SLC9A9: variants seen among roughly 807,000 people sequenced by gnomAD.
The protein encoded by SLC9A9 is solute carrier family 9 member A9.
A neutral mutation model predicts 77.8 loss-of-function variants in SLC9A9; 62 were observed. That is an observed-to-expected ratio of 0.80 (90% CI 0.65 to 0.98). The LOEUF (loss-of-function observed/expected upper bound fraction) is 0.98, where lower values mean the gene tolerates loss of function less well. Ranked by LOEUF, SLC9A9 falls within the 50% of genes least tolerant of loss-of-function variation. SLC9A9 has a pLI of 0.00. For missense variants in SLC9A9, 775 were observed against 774.9 expected, an observed-to-expected ratio of 1.00 and a Z score of 0.00; for synonymous variants, 320 against 283.5, an observed-to-expected ratio of 1.13 and a Z score of -1.29.
At chr3:143,648,945 ATTCCTG>A (rs2038751506) in intron 6 of SLC9A9, among the ~76,000 whole-genome samples, 1 of 152,184 alleles carries the variant, frequency 6.6e-6, no homozygotes, top group African/African-American at 2.4e-5. Context: ...GCGAAGAAAG[ATTCCTG>A]TTCATTTCAC....
At chr3:143,493,915 C>T (rs888534238) in intron 10 of SLC9A9, 151 bp from the exon 11 acceptor site, 1 of 668,696 alleles carries the variant, frequency 1.5e-6, no homozygotes, top group Non-Finnish European at 2.7e-6. Context: ...CAACTTGCTT[C>T]CAAAATTTAT....
intron 14 of SLC9A9, among the ~76,000 whole-genome samples, chr3:143,321,935 T>A (rs1329783895): frequency 2.0e-5 from 3 of 152,146 alleles, no homozygotes; most frequent in Non-Finnish European, 4.4e-5. Context: ...AGGCCTTGTG[T>A]CCCAAGTTAG....
intron 7 of SLC9A9, among the ~76,000 whole-genome samples, chr3:143,578,214 A>T (rs746544953): frequency 2.2e-4 from 33 of 152,104 alleles, no homozygotes; most frequent in Non-Finnish European, 3.7e-4. Flanking sequence ...ACCCTTAATC[A>T]ATTGTCTTAT....
chr3:143,605,982 C>T (rs1350019950), intron 6 of SLC9A9, among the ~76,000 whole-genome samples: 2 of 152,196 alleles, frequency 1.3e-5, no homozygotes, highest in Admixed American at 6.5e-5. Context: ...AAGCTCTGCT[C>T]CATGCTATTT....
At chr3:143,280,249 T>G (rs1239331178) in intron 14 of SLC9A9, among the ~76,000 whole-genome samples, 1 of 148,738 alleles carries the variant, frequency 6.7e-6, no homozygotes, top group Non-Finnish European at 1.5e-5. Flanking sequence ...CCTGCAGCTC[T>G]TTTAGGGAAC....
chr3:143,812,318 A>G (rs2008890133), intron 2 of SLC9A9, among the ~76,000 whole-genome samples: 3 of 152,224 alleles, frequency 2.0e-5, no homozygotes, highest in African/African-American at 7.2e-5. Flanking sequence ...TTTATTGCAG[A>G]TGAAATAATA....
intron 13 of SLC9A9, among the ~76,000 whole-genome samples, chr3:143,364,818 T>C (rs925450125): frequency 1.1e-4 from 16 of 152,344 alleles, no homozygotes; most frequent in African/African-American, 3.8e-4. Context: ...GTCTTTTTCA[T>C]TGATTGTCTT....
intron 9 of SLC9A9, among the ~76,000 whole-genome samples, chr3:143,496,556 AG>A (rs2035836256): frequency 6.6e-6 from 1 of 152,258 alleles, no homozygotes; most frequent in Non-Finnish European, 1.5e-5. Context: ...ATAGAAAGAA[AG>A]GATTAAAAAA....
intron 4 of SLC9A9, among the ~76,000 whole-genome samples, chr3:143,707,026 AG>A (rs1050981030): frequency 1.3e-5 from 2 of 152,146 alleles, no homozygotes; most frequent in Non-Finnish European, 2.9e-5. Context: ...AGAGCAATGC[AG>A]GGAAGGTTCA....
chr3:143,718,643 T>C (rs16854193), intron 4 of SLC9A9, among the ~76,000 whole-genome samples: 5,218 of 152,306 alleles, frequency 0.034, 289 homozygotes, highest in African/African-American at 0.12. Flanking sequence ...GTTCTGCTAT[T>C]GCCCTTTAAG....
intron 12 of SLC9A9, among the ~76,000 whole-genome samples, chr3:143,442,688 G>A (rs887476415): frequency 3.9e-5 from 6 of 152,182 alleles, no homozygotes; most frequent in African/African-American, 9.7e-5. Context: ...TTGTGCTACC[G>A]CACTCCAGCC....
chr3:143,441,576 C>G (rs761844931), intron 12 of SLC9A9, among the ~76,000 whole-genome samples: 35 of 151,838 alleles, frequency 2.3e-4, no homozygotes, highest in Non-Finnish European at 4.9e-4. Flanking sequence ...CAACCTAAGA[C>G]TGTGATTGCT....
intron 8 of SLC9A9, among the ~76,000 whole-genome samples, chr3:143,559,242 T>C (rs914210493): frequency 6.6e-6 from 1 of 152,200 alleles, no homozygotes; most frequent in Non-Finnish European, 1.5e-5. Flanking sequence ...ACAGCCTTTA[T>C]ATTGGAACAA....
At position 143,686,214 on chromosome 3, in the gene SLC9A9, A is replaced by T. The variant is rs187128056; in HGVS notation, c.649+6978T>A. Among the ~76,000 whole-genome samples the T allele has an allele frequency of 2.0e-5, 3 of 152,326 alleles. No individual in the cohort carries two copies. In the East Asian group the frequency reaches 5.8e-4, roughly 29 times the overall value. On this transcript the variant is annotated intron_variant, in intron 5 of 15. Transcript: ENST00000316549. ...TTCCTCAAGTTGTATTAATTCACTGATTTAACAGGTATTTATTAAAAGCTC... is the reference window on the plus strand; with the variant it reads ...TTCCTCAAGTTGTATTAATTCACTGTTTTAACAGGTATTTATTAAAAGCTC...
chr3:143,557,899 C>CA, intron 8 of SLC9A9, among the ~76,000 whole-genome samples: 1 of 152,146 alleles, frequency 6.6e-6, no homozygotes, highest in Non-Finnish European at 1.5e-5. Context: ...AAGACCATTG[C>CA]AAAAATTTAC....
intron 14 of SLC9A9, among the ~76,000 whole-genome samples, chr3:143,276,985 A>G (rs1209297981): frequency 6.6e-6 from 1 of 152,212 alleles, no homozygotes; most frequent in Non-Finnish European, 1.5e-5. Context: ...TCTTAGTGGT[A>G]TTGGGAGTTG....
chr3:143,782,077 C>T (rs564956380), intron 4 of SLC9A9, among the ~76,000 whole-genome samples: 48 of 152,214 alleles, frequency 3.2e-4, no homozygotes, highest in Non-Finnish European at 6.3e-4. Flanking sequence ...TACCAATTAT[C>T]TTCTTTATGA....
At chr3:143,733,076 A>C (rs182059316) in intron 4 of SLC9A9, among the ~76,000 whole-genome samples, 3 of 152,242 alleles carry the variant, frequency 2.0e-5, no homozygotes, top group East Asian at 1.9e-4. Context: ...TTCATGAACT[A>C]TTATTACTTC....
intron 11 of SLC9A9, among the ~76,000 whole-genome samples, chr3:143,484,500 T>C (rs2035625214): frequency 6.6e-6 from 1 of 152,188 alleles, no homozygotes; most frequent in Admixed American, 6.5e-5. Context: ...AATACCACCC[T>C]GCGTGTGATG....
Sources: gnomAD v4.1 joint callset for allele counts (sites outside exome capture counted in the v4.1 genomes callset) on GRCh38, gnomAD v4.1.1 for gene constraint, MANE v1.5 for transcripts, NCBI Gene and HGNC (gene_info 2026-07-23, HGNC 2026-07-21) for gene names.